Variants in NEO1 observed in about 807,000 individuals in gnomAD.
The protein encoded by NEO1 is neogenin 1.
Under a neutral mutation model 159.7 loss-of-function variants are expected in NEO1, and 63 were observed. That is an observed-to-expected ratio of 0.39 (90% confidence interval 0.32 to 0.49). The LOEUF (loss-of-function observed/expected upper bound fraction) is 0.49. Ranked by LOEUF, NEO1 falls within the 20% of genes least tolerant of loss-of-function variation. NEO1 has a pLI of 0.85. For missense variants in NEO1, 1,615 were observed against 1,831.0 expected, an observed-to-expected ratio of 0.88 and a Z score of 2.15; for synonymous variants, 633 against 662.0, an observed-to-expected ratio of 0.96 and a Z score of 0.67.
intron 1 of NEO1, among the ~76,000 whole-genome samples, chr15:73,112,082 T>C (rs2071028880): frequency 6.6e-6 from 1 of 152,174 alleles, no homozygotes; most frequent in Non-Finnish European, 1.5e-5. Context: ...GGTGTACATT[T>C]TTCCTACCTT....
At chr15:73,163,926 T>G (rs1211299971) in intron 5 of NEO1, among the ~76,000 whole-genome samples, 1 of 152,140 alleles carries the variant, frequency 6.6e-6, no homozygotes, top group Non-Finnish European at 1.5e-5. Context: ...GAGTAGACAG[T>G]CATTGTCATG....
At chr15:73,257,588 T>C (rs1452482528) in intron 13 of NEO1, among the ~76,000 whole-genome samples, 1 of 152,208 alleles carries the variant, frequency 6.6e-6, no homozygotes, top group Non-Finnish European at 1.5e-5. Context: ...ATTATATGAT[T>C]AAATTTGAAG....
At chr15:73,163,038 A>C (rs548128762) in intron 5 of NEO1, 4 of 152,252 alleles carry the variant, frequency 2.6e-5, no homozygotes, top group Admixed American at 1.3e-4. Context: ...ATTCTTTAAT[A>C]TTTTGTTTCC....
intron 1 of NEO1, among the ~76,000 whole-genome samples, chr15:73,084,489 A>C (rs2069244184): frequency 6.6e-6 from 1 of 152,156 alleles, no homozygotes; most frequent in South Asian, 2.1e-4. Flanking sequence ...CCTCCTTTTT[A>C]AAGGCTGAAT....
At chr15:73,242,761 G>A (rs1340511436) in intron 8 of NEO1, among the ~76,000 whole-genome samples, 2 of 152,202 alleles carry the variant, frequency 1.3e-5, no homozygotes, top group Non-Finnish European at 2.9e-5. Context: ...TTCAGGTTGA[G>A]TAGACTGAAA....
At chr15:73,068,070 T>C (rs2068315152) in intron 1 of NEO1, among the ~76,000 whole-genome samples, 1 of 152,174 alleles carries the variant, frequency 6.6e-6, no homozygotes. Context: ...TCCTATATCA[T>C]TAGTTTGGTG....
chr15:73,269,913 C>T, intron 16 of NEO1, 97 bp from the exon 17 acceptor site: 1 of 927,934 alleles, frequency 1.1e-6, no homozygotes, highest in Non-Finnish European at 1.7e-6. Context: ...CTCCATTTCT[C>T]ACCTTTCATT....
chr15:73,178,773 A>G (rs2035430551), intron 7 of NEO1, among the ~76,000 whole-genome samples: 1 of 152,168 alleles, frequency 6.6e-6, no homozygotes. Flanking sequence ...TTTTATTAAT[A>G]CACTTACAAA....
intron 1 of NEO1, among the ~76,000 whole-genome samples, chr15:73,066,784 C>T (rs2068242683): frequency 2.0e-5 from 3 of 152,202 alleles, no homozygotes; most frequent in Admixed American, 6.5e-5. Context: ...CCCCTTAGGG[C>T]TTGGGTCTGT....
At chr15:73,172,839 C>CT (rs1361890447) in intron 5 of NEO1, among the ~76,000 whole-genome samples, 1 of 152,186 alleles carries the variant, frequency 6.6e-6, no homozygotes, top group African/African-American at 2.4e-5. Context: ...CTTCAGATTA[C>CT]TTTCATTGTA....
chr15:73,153,438 C>T (rs936388388), intron 5 of NEO1, among the ~76,000 whole-genome samples: 2 of 151,994 alleles, frequency 1.3e-5, no homozygotes, highest in Admixed American at 1.3e-4. Flanking sequence ...CATTTCTCCC[C>T]AAAACCCTGG....
rs1179317606 is a variant in NEO1, at chr15:73,249,752, C to T, written c.1894+31C>T. The T allele has an allele frequency of 8.2e-6, 13 of 1,589,558 alleles. No homozygotes were observed. In the African/African-American group the frequency reaches 1.6e-4, roughly 20 times the overall value. On this transcript the variant is annotated intron_variant, in intron 11 of 28. Coordinates refer to ENST00000261908, the MANE Select transcript of NEO1 (RefSeq NM_002499.4). Reference sequence around the variant, plus strand: ...TCTTTCTTCCTCTGGAACGATATACCACACTTGGTGCCCCTAGTGGTTTAG... The same window carrying T: ...TCTTTCTTCCTCTGGAACGATATACTACACTTGGTGCCCCTAGTGGTTTAG...
chr15:73,152,951 A>G (rs1156879067), intron 5 of NEO1, among the ~76,000 whole-genome samples: 5 of 152,120 alleles, frequency 3.3e-5, no homozygotes, highest in Non-Finnish European at 2.9e-5. Context: ...ATTATAAAGT[A>G]TTGGTTCACG....
chr15:73,085,260 C>CT (rs1394820564), intron 1 of NEO1, among the ~76,000 whole-genome samples: 1 of 151,954 alleles, frequency 6.6e-6, no homozygotes, highest in Admixed American at 6.6e-5. Context: ...AGCATAATGC[C>CT]TTTATCACAC....
chr15:73,090,365 T>C (rs2069619182), intron 1 of NEO1, among the ~76,000 whole-genome samples: 1 of 152,000 alleles, frequency 6.6e-6, no homozygotes, highest in African/African-American at 2.4e-5. Context: ...TATTACTCCA[T>C]GCATTTAAAA....
At chr15:73,102,871 A>T (rs1309099830) in intron 1 of NEO1, among the ~76,000 whole-genome samples, 1 of 151,738 alleles carries the variant, frequency 6.6e-6, no homozygotes, top group East Asian at 1.9e-4. Flanking sequence ...AGCACCTTAA[A>T]CTCTCCATGT....
chr15:73,066,764 C>T (rs2068241984), intron 1 of NEO1, among the ~76,000 whole-genome samples: 1 of 152,142 alleles, frequency 6.6e-6, no homozygotes, highest in Non-Finnish European at 1.5e-5. Context: ...GCCCTCACTC[C>T]AGTTTTTGTC....
chr15:73,284,631 G>C (rs2041872642), intron 23 of NEO1, among the ~76,000 whole-genome samples: 1 of 148,854 alleles, frequency 6.7e-6, no homozygotes, highest in African/African-American at 2.5e-5. Context: ...TGTTGCCCAG[G>C]CTGGAATGCA....
intron 1 of NEO1, among the ~76,000 whole-genome samples, chr15:73,111,783 G>T (rs1217926380): frequency 6.6e-6 from 1 of 151,938 alleles, no homozygotes; most frequent in Non-Finnish European, 1.5e-5. Flanking sequence ...ACCACTCCTG[G>T]CTAATTTTTG....
Sources: allele counts gnomAD v4.1 joint callset (sites outside exome capture counted in the v4.1 genomes callset), GRCh38; gene constraint gnomAD v4.1.1; transcripts MANE v1.5; gene names NCBI Gene and HGNC (gene_info 2026-07-23, HGNC 2026-07-21).